The following SLC2A14 variants were observed in gnomAD, a reference collection of about 807,000 sequenced individuals.
The protein encoded by SLC2A14 is solute carrier family 2, facilitated glucose transporter member 14.
SLC2A14 carries 13 observed loss-of-function variants against 43.0 expected under a neutral mutation model. The observed-to-expected ratio is 0.30, with a 90% CI of 0.20 to 0.48. The LOEUF (loss-of-function observed/expected upper bound fraction) is 0.48. SLC2A14 is among the 20% of genes least tolerant of loss of function. The pLI is 0.99. For missense variants in SLC2A14, 428 were observed against 620.4 expected (o/e 0.69, Z 3.29); for synonymous variants, 190 against 233.8 (o/e 0.81, Z 1.71).
chr12:7,882,495 G>A (rs1356418678), intron 1 of SLC2A14, among the ~76,000 whole-genome samples: 1 of 152,090 alleles, frequency 6.6e-6, no homozygotes, highest in African/African-American at 2.4e-5. Context: ...ACTCCAGCCT[G>A]GGCAACGGAG....
intron 1 of SLC2A14, among the ~76,000 whole-genome samples, chr12:7,884,163 G>A (rs947143042): frequency 1.3e-5 from 2 of 149,672 alleles, no homozygotes; most frequent in Non-Finnish European, 3.0e-5. Flanking sequence ...CTCGTGATCT[G>A]CCCGCCTCAG....
rs138575986 is a variant in SLC2A14, at chr12:7,888,529, G to T, written c.132+2467C>A. Among the ~76,000 whole-genome samples the T allele has an allele frequency of 4.0e-3, 616 of 152,228 alleles. 8 individuals are homozygous for T. The highest frequency in any genetic ancestry group is 0.02 in the Middle Eastern group (6 of 294). ...TAAGATTTTGGACTGGCCGGGTGCA[G>T]TGGCTCACACCTGTAATCCTAGCAC... On this transcript the variant is annotated intron_variant, in intron 1 of 9. Transcript: ENST00000539924.
intron 2 of SLC2A14, among the ~76,000 whole-genome samples, chr12:7,842,460 C>T (rs945476918): frequency 2.1e-4 from 32 of 152,106 alleles, no homozygotes; most frequent in Admixed American, 8.5e-4. Flanking sequence ...GCCAAAAGGC[C>T]GAGAAGCGGG....
intron 7 of SLC2A14, among the ~76,000 whole-genome samples, chr12:7,826,858 C>CCTTCCTTCCTTCCTTCCTTTCTTTCTT (rs1565507403): frequency 2.3e-5 from 1 of 43,192 alleles, no homozygotes; most frequent in African/African-American, 1.1e-4. Context: ...TCCTTCCTTT[C>CCTTCCTTCCTTCCTTCCTTTCTTTCTT]TTTTTTCTTT....
intron 7 of SLC2A14, among the ~76,000 whole-genome samples, chr12:7,827,032 C>T (rs1276093566): frequency 1.5e-5 from 2 of 136,874 alleles, no homozygotes; most frequent in African/African-American, 2.7e-5. Context: ...TCCTTTCTCT[C>T]TCTTTCTCTC....
chr12:7,839,610 T>C (rs1865756608), intron 2 of SLC2A14: 4 of 281,354 alleles, frequency 1.4e-5, no homozygotes, highest in Non-Finnish European at 2.8e-5. Context: ...GTATGTGCTG[T>C]TGAATGGAGA....
In SLC2A14 at chr12:7,861,304, TCCC is replaced by T. The variant is rs775537408; in HGVS notation, c.18+8556_18+8558del. ...TAATAATTTTCAAAAACTATGTATT[TCCC>T]CTACACATTTTTAAGTTGACATCTA... On this transcript the variant is annotated intron_variant, in intron 2 of 10. Coordinates refer to ENST00000431042, the MANE Select transcript of SLC2A14 (RefSeq NM_001286234.2). Among the ~76,000 whole-genome samples, 78 of 152,262 alleles carry T rather than the reference TCCC, an allele frequency of 5.1e-4. 1 individual carries two copies. The highest frequency in any genetic ancestry group is 9.0e-4 in the Non-Finnish European group (61 of 68,006).
In SLC2A14 at chr12:7,832,747, G is replaced by A; in HGVS notation, c.86C>T (p.Thr29Ile). Residue 29 changes from threonine to isoleucine, a missense_variant, in exon 3 of 11, where the codon ACT (threonine) becomes ATT (isoleucine). Thr to Ile is a moderately conservative substitution (Grantham distance 89). This residue lies in a region of SLC2A14 where 122 missense variants were observed against 128.8 expected (regional missense o/e 0.95). Transcript: ENST00000431042. Reference sequence around the variant, plus strand: ...CGTCTCAGGAGCATTGATGACCCCAGTGTTGTAGCCAAACTGGAAAGAGCC... The same window carrying A: ...CGTCTCAGGAGCATTGATGACCCCAATGTTGTAGCCAAACTGGAAAGAGCC... The part of the protein sequence containing the change: ...TIGSFQFGYN[T>I]GVINAPETII... 1 of 1,614,162 alleles carries A rather than the reference G, an allele frequency of 6.2e-7. No individual in the cohort carries two copies. The highest frequency in any genetic ancestry group is 8.5e-7 in the Non-Finnish European group (1 of 1,180,026).
Position 7,831,629 on chromosome 12 carries a change from C to G in SLC2A14, c.247G>C (p.Gly83Arg), listed in dbSNP as rs780109041. 2 of 1,614,036 alleles carry G rather than the reference C, an allele frequency of 1.2e-6. No homozygotes were observed. Among genetic ancestry groups the G allele is most frequent in the Admixed American group, 1.7e-5 (1 of 59,988 alleles). Residue 83 changes from glycine to arginine, a missense_variant, in exon 4 of 11, where the codon GGA becomes CGA. Around this residue, in one of 4 missense-constraint regions of SLC2A14, gnomAD observed 122 missense variants for 128.8 expected, o/e 0.95. Coordinates refer to ENST00000431042, the MANE Select transcript of SLC2A14 (RefSeq NM_001286234.2). Reference sequence around the variant, plus strand: ...CTGCCAAAGCGGTTAACAAAGAGTCCGACGGAAAAGGAGCCGATCATACCC... The same window carrying G: ...CTGCCAAAGCGGTTAACAAAGAGTCGGACGGAAAAGGAGCCGATCATACCC... ...VGGMIGSFSV[G>R]LFVNRFGRRN...
chr12:7,878,976 CAAAAAAAAAAAAAAA>C (rs58838986), intron 1 of SLC2A14, among the ~76,000 whole-genome samples: 27,823 of 69,934 alleles, frequency 0.4, 3,400 homozygotes, highest in Middle Eastern at 0.52. Flanking sequence ...GAGTCCGTCT[CAAAAAAAAAAAAAAA>C]AAAAAAAAAA....
At position 7,869,727 on chromosome 12, in the gene SLC2A14, A is replaced by G. The variant is rs978126209; in HGVS notation, c.18+136T>C. ...GAATGTACCAAGTCTGTTGGCTGTAACAGTCTCTCCCACCACCACTTACGT... is the reference window on the plus strand; with the variant it reads ...GAATGTACCAAGTCTGTTGGCTGTAGCAGTCTCTCCCACCACCACTTACGT... On this transcript the variant is annotated intron_variant, in intron 2 of 10. Coordinates refer to ENST00000431042, the MANE Select transcript of SLC2A14 (RefSeq NM_001286234.2). The G allele has an allele frequency of 5.3e-5, 29 of 550,628 alleles. No homozygotes were observed. The South Asian group carries it at 5.7e-4, about 11-fold the overall frequency. The allele number at this position is 550,628 out of a possible 1,614,324, so 34.1% of individuals were successfully genotyped here. A position where few individuals can be genotyped will look rare whatever the true frequency, so the allele number is the denominator to read the frequency against.
At chr12:7,842,823 C>A (rs553057678) in intron 2 of SLC2A14, among the ~76,000 whole-genome samples, 1 of 151,620 alleles carries the variant, frequency 6.6e-6, no homozygotes, top group East Asian at 1.9e-4. Context: ...CCGCCTCCCG[C>A]GTTCAAGTGA....
chr12:7,880,663 C>G (rs948930876), intron 1 of SLC2A14, among the ~76,000 whole-genome samples: 1 of 123,772 alleles, frequency 8.1e-6, no homozygotes, highest in South Asian at 2.7e-4. Context: ...CCTGTCTCTA[C>G]TAAAAATACA....
chr12:7,857,357 G>A (rs886775567), intron 2 of SLC2A14, among the ~76,000 whole-genome samples: 1 of 152,176 alleles, frequency 6.6e-6, no homozygotes, highest in African/African-American at 2.4e-5. Context: ...GGGAGGCCAA[G>A]GTGGGTGGAT....
Position 7,832,790 on chromosome 12 carries a change from T to C in SLC2A14, c.43A>G (p.Ile15Val). The C allele has an allele frequency of 6.2e-7, 1 of 1,614,178 alleles. No homozygotes were observed. The highest frequency in any genetic ancestry group is 8.5e-7 in the Non-Finnish European group (1 of 1,180,026). ...QNVTPALIFAITVATIGSFQF... is the reference protein window; with the variant it reads ...QNVTPALIFAVTVATIGSFQF... ...AAAGAGCCGATTGTAGCAACTGTGA[T>C]GGCAAAGATCAGAGCTGGGGTGACC... is the stretch of plus-strand genomic sequence containing the variant. Residue 15 changes from isoleucine (I) to valine (V), a missense_variant, in exon 3 of 11, where the codon ATC (isoleucine) becomes GTC (valine). Ile to Val is a conservative substitution (Grantham distance 29). Transcript: ENST00000431042.
chr12:7,875,860 C>T (rs931136578), upstream of SLC2A14, among the ~76,000 whole-genome samples: 1 of 151,992 alleles, frequency 6.6e-6, no homozygotes, highest in African/African-American at 2.4e-5. Context: ...CCTGTAATCC[C>T]AGGTACTCTG....
chr12:7,815,077 C>T (rs748210899), intron 10 of SLC2A14, among the ~76,000 whole-genome samples: 5 of 150,574 alleles, frequency 3.3e-5, no homozygotes, highest in East Asian at 2.0e-4. Context: ...GGATTACAGG[C>T]GTGAGCCACT....
At chr12:7,845,376 A>G (rs1027698885) in intron 2 of SLC2A14, among the ~76,000 whole-genome samples, 3 of 152,196 alleles carry the variant, frequency 2.0e-5, no homozygotes, top group African/African-American at 7.2e-5. Flanking sequence ...ACATTTATGT[A>G]CTATGTATGT....
intron 1 of SLC2A14, among the ~76,000 whole-genome samples, chr12:7,887,122 G>A (rs1011335589): frequency 1.3e-5 from 2 of 151,808 alleles, no homozygotes; most frequent in Non-Finnish European, 2.9e-5. Context: ...ATGTTGGCCA[G>A]GCTGGTCTCC....
Sources: allele counts gnomAD v4.1 joint callset (sites outside exome capture counted in the v4.1 genomes callset), GRCh38; gene constraint gnomAD v4.1.1; regional missense constraint gnomAD v4.1.1; transcripts MANE v1.5; gene names NCBI Gene and HGNC (gene_info 2026-07-23, HGNC 2026-07-21).